CERK: variants seen among roughly 807,000 people sequenced by gnomAD.
CERK encodes the protein acylsphingosine kinase.
In CERK, 39 loss-of-function variants were observed where a neutral mutation model predicts 63.4. That is an observed-to-expected ratio of 0.61 (90% confidence interval 0.48 to 0.80). The LOEUF (loss-of-function observed/expected upper bound fraction) is 0.80. Among genes scored for constraint, CERK ranks in the 30% least tolerant of loss-of-function variants. The pLI is 0.00. For missense variants in CERK, 670 were observed against 714.1 expected (o/e 0.94, Z 0.70); for synonymous variants, 302 against 280.0 (o/e 1.08, Z -0.78).
At chr22:46,710,760 G>A (rs2082836666) in intron 5 of CERK, among the ~76,000 whole-genome samples, 2 of 152,144 alleles carry the variant, frequency 1.3e-5, no homozygotes, top group South Asian at 2.1e-4. Context: ...CTGTAAAAAC[G>A]ACAGCATCTA....
rs367731239 is a variant in CERK, at chr22:46,687,109, A to C, written c.*25T>G. On this transcript the variant is annotated 3_prime_UTR_variant, in exon 13 of 13. Transcript: ENST00000216264. The stretch of plus-strand genomic sequence containing the variant: ...TCTTAAATAGTTTTCACACTTTCCC[A>C]GTTTGTGAGCAGGACGCCGGCTTCT... The C allele has an allele frequency of 6.2e-7, 1 of 1,601,070 alleles. No individual in the cohort carries two copies. Among genetic ancestry groups the C allele is most frequent in the Non-Finnish European group, 8.6e-7 (1 of 1,168,312 alleles).
chr22:46,698,752 T>A (rs2082768650), intron 8 of CERK, among the ~76,000 whole-genome samples: 1 of 150,278 alleles, frequency 6.7e-6, no homozygotes, highest in South Asian at 2.1e-4. Context: ...AAAAAAAAAA[T>A]TAGCTGGTCA....
intron 3 of CERK, among the ~76,000 whole-genome samples, chr22:46,717,479 C>T (rs536886053): frequency 1.8e-4 from 27 of 152,314 alleles, no homozygotes; most frequent in Non-Finnish European, 3.2e-4. Flanking sequence ...CACGCGAGAG[C>T]GTGGAAAATT....
intron 8 of CERK, among the ~76,000 whole-genome samples, chr22:46,699,065 C>T (rs1005159961): frequency 4.6e-5 from 7 of 152,020 alleles, no homozygotes; most frequent in Non-Finnish European, 8.8e-5. Flanking sequence ...GAACTGCGTC[C>T]GTCATGGTGT....
At chr22:46,737,291 C>CAAAAAA in intron 1 of CERK, among the ~76,000 whole-genome samples, 1 of 69,344 alleles carries the variant, frequency 1.4e-5, no homozygotes, top group East Asian at 4.3e-4. Context: ...CACTCCGACT[C>CAAAAAA]AAAAAAAAAA....
Position 46,738,120 on chromosome 22 carries a change from A to T in CERK, c.29T>A (p.Leu10Gln). 8.0e-7 allele frequency: 1 copy of T among 1,245,350 alleles called. No homozygotes were observed. The highest frequency in any genetic ancestry group is 1.0e-6 in the Non-Finnish European group (1 of 986,836). 77.1% of individuals were successfully genotyped at this position (1,245,350 alleles called of 1,614,324 possible). ...CTGCTTCACCCACAGCACGGATTGC[A>T]GCGGCTCCGCCGCCCCCGTCGCCCC... is the stretch of plus-strand genomic sequence containing the variant. MGATGAAEP[L>Q]QSVLWVKQQR... The change falls in exon 1 of 13, where the codon CTG becomes CAG. Residue 10 changes from leucine to glutamine, a missense_variant. Coordinates refer to ENST00000216264, the MANE Select transcript of CERK (RefSeq NM_022766.6).
chr22:46,700,522 T>G (rs1012343520), intron 7 of CERK, among the ~76,000 whole-genome samples: 5 of 152,128 alleles, frequency 3.3e-5, no homozygotes, highest in African/African-American at 1.2e-4. Context: ...GCCCAGGAGT[T>G]TGAGACACAG....
chr22:46,698,877 A>G (rs2082769257), intron 8 of CERK, among the ~76,000 whole-genome samples: 1 of 152,194 alleles, frequency 6.6e-6, no homozygotes, highest in Non-Finnish European at 1.5e-5. Context: ...CTCCAGCCTG[A>G]GTGACGGAGG....
intron 3 of CERK, among the ~76,000 whole-genome samples, chr22:46,713,236 G>A (rs1444881281): frequency 6.6e-6 from 1 of 152,038 alleles, no homozygotes; most frequent in Non-Finnish European, 1.5e-5. Context: ...CAGGCGCGGT[G>A]GCTCATGCCT....
chr22:46,721,015 T>A lies in CERK; in HGVS notation c.143A>T (p.Asp48Val), dbSNP rs199505245. 1.9e-6 allele frequency: 3 copies of A among 1,603,100 alleles called. No individual in the cohort carries two copies. Among genetic ancestry groups the A allele is most frequent in the Non-Finnish European group, 2.6e-6 (3 of 1,170,200 alleles). Residue 48 changes from aspartate (D) to valine (V), a missense_variant and splice_region_variant, in exon 2 of 13, where the codon GAT becomes GTT. Asp to Val is a radical substitution (Grantham distance 152, BLOSUM62 -3). Transcript: ENST00000216264. ...CTCAGATACAGGCACAGAGCAGGCA[T>A]CTGTAAAAACACCACGTCCTTCTGT... ...PGPGAGAPGA[D>V]ACSVPVSEII... is the part of the protein sequence containing the mutation.
chr22:46,691,533 C>T lies in CERK; in HGVS notation c.1332+39G>A, dbSNP rs758376683. ...CCAGGGACTGCTGGAACATAAATTA[C>T]TCGCCAGTGGAGGCTCCATGCAAGA... On this transcript the variant is annotated intron_variant, in intron 11 of 12. Coordinates refer to ENST00000216264, the MANE Select transcript of CERK (RefSeq NM_022766.6). 4.0e-6 allele frequency: 6 copies of T among 1,512,752 alleles called. No homozygotes were observed. The South Asian group carries it at 5.7e-5, about 14-fold the overall frequency. The allele number at this position is 1,512,752 out of a possible 1,614,324, so 93.7% of individuals were successfully genotyped here.
intron 10 of CERK, among the ~76,000 whole-genome samples, chr22:46,692,083 C>T (rs1043537410): frequency 1.1e-4 from 17 of 152,202 alleles, no homozygotes; most frequent in African/African-American, 3.1e-4. Context: ...TCCGGCCCGC[C>T]GCCCGTCTGT....
rs866306447 is a variant in CERK at position 46,702,221 on chromosome 22, A to G, written c.716-511T>C. Among the ~76,000 whole-genome samples, 50 of 113,374 alleles carry G rather than the reference A, an allele frequency of 4.4e-4. 1 individual carries two copies. Among genetic ancestry groups the G allele is most frequent in the African/African-American group, 6.6e-4 (19 of 28,704 alleles). The allele number at this position is 113,374 out of a possible 152,430, so 74.4% of individuals were successfully genotyped here. On this transcript the variant is annotated intron_variant, in intron 6 of 12. Coordinates refer to ENST00000216264, the MANE Select transcript of CERK (RefSeq NM_022766.6). ...GAGCCAAAAAGTTAAAAAAATATAT[A>G]TATGTGTGTGTGTGTGTGTGTGTGT...
In CERK at chr22:46,714,091, T is replaced by C. The variant is rs2082856223; in HGVS notation, c.380-1798A>G. Among the ~76,000 whole-genome samples, 1 of 152,082 alleles carries C rather than the reference T, an allele frequency of 6.6e-6. No homozygotes were observed. The highest frequency in any genetic ancestry group is 2.4e-5 in the African/African-American group (1 of 41,350). ...TTTGAAACCAGCCTGGGCAACATGG[T>C]GAAACCCTGTCTCTACTAACAATAC... On this transcript the variant is annotated intron_variant, in intron 3 of 12. Transcript: ENST00000216264. This position sits in a 1 kb window ranked among gnomAD's most constrained non-coding sequence, Gnocchi z 4.4.
At chr22:46,734,695 T>C (rs987047404) in intron 1 of CERK, among the ~76,000 whole-genome samples, 3 of 152,208 alleles carry the variant, frequency 2.0e-5, no homozygotes, top group African/African-American at 7.2e-5. Flanking sequence ...AGGAGAGGAA[T>C]TAGTAGCGTG....
At chr22:46,693,301 T>TC in intron 10 of CERK, 126 bp downstream of exon 10, 2 of 744,060 alleles carry the variant, frequency 2.7e-6, no homozygotes, top group Admixed American at 2.2e-5. Context: ...AATGGATGCC[T>TC]GGTGCCAGAC....
chr22:46,719,962 T>C, intron 3 of CERK, 124 bp downstream of exon 3: 1 of 1,299,166 alleles, frequency 7.7e-7, no homozygotes, highest in Non-Finnish European at 1.1e-6. Flanking sequence ...TCAGCCTGAC[T>C]CATCATGTCC....
intron 1 of CERK, among the ~76,000 whole-genome samples, chr22:46,736,816 C>T (rs1030410927): frequency 2.0e-5 from 3 of 152,172 alleles, no homozygotes; most frequent in Admixed American, 6.5e-5. Flanking sequence ...CCCACAGATC[C>T]TCACCACTCA....
At chr22:46,717,041 G>A (rs545163796) in intron 3 of CERK, among the ~76,000 whole-genome samples, 3 of 152,162 alleles carry the variant, frequency 2.0e-5, no homozygotes, top group African/African-American at 4.8e-5. Flanking sequence ...CACAAAAGGC[G>A]ATATCTGAAT....
Sources: gnomAD v4.1 joint callset for allele counts (sites outside exome capture counted in the v4.1 genomes callset) on GRCh38, gnomAD v4.1.1 for gene constraint, Gnocchi (gnomAD v3.1) non-coding constraint, MANE v1.5 for transcripts, NCBI Gene and HGNC (gene_info 2026-07-23, HGNC 2026-07-21) for gene names.